The following LNX1 variants were observed in gnomAD, a reference collection of about 807,000 sequenced individuals.
LNX1 encodes ligand of numb-protein X 1.
A neutral mutation model predicts 68.4 loss-of-function variants in LNX1; 54 were observed. The observed-to-expected ratio is 0.79, with a 90% CI of 0.63 to 0.99. The LOEUF is 0.99. Among genes scored for constraint, LNX1 ranks in the 50% least tolerant of loss-of-function variants. The pLI is 0.00. For synonymous variants in LNX1, 336 were observed against 350.0 expected, an observed-to-expected ratio of 0.96 and a Z score of 0.45; for missense variants, 906 against 926.4, an observed-to-expected ratio of 0.98 and a Z score of 0.29.
chr4:53,525,315 C>G (rs554987398), intron 2 of LNX1, among the ~76,000 whole-genome samples: 1 of 152,172 alleles, frequency 6.6e-6, no homozygotes, highest in African/African-American at 2.4e-5. Flanking sequence ...AACCTGGACT[C>G]TACTGAAAAT....
intron 1 of LNX1, among the ~76,000 whole-genome samples, chr4:53,639,300 A>G (rs1734590773): frequency 6.6e-6 from 1 of 152,182 alleles, no homozygotes; most frequent in South Asian, 2.1e-4. Flanking sequence ...ATGGACATAA[A>G]GATGGCAACA....
intron 2 of LNX1, among the ~76,000 whole-genome samples, chr4:53,510,128 T>G (rs1448201928): frequency 6.6e-6 from 1 of 152,232 alleles, no homozygotes; most frequent in Non-Finnish European, 1.5e-5. Context: ...TTACATTTTG[T>G]TATTGAGAAC....
At chr4:53,545,496 A>G (rs1729044248) in intron 2 of LNX1, among the ~76,000 whole-genome samples, 1 of 152,224 alleles carries the variant, frequency 6.6e-6, no homozygotes, top group African/African-American at 2.4e-5. Flanking sequence ...AAGTTTCCTC[A>G]GCCTCAATAA....
intron 9 of LNX1, among the ~76,000 whole-genome samples, chr4:53,464,802 G>A (rs1722542293): frequency 6.6e-6 from 1 of 152,140 alleles, no homozygotes; most frequent in Admixed American, 6.5e-5. Flanking sequence ...GCTCAGGCAA[G>A]TGATAATTTA....
At chr4:53,622,673 G>T (rs1198524358) in intron 1 of LNX1, among the ~76,000 whole-genome samples, 1 of 152,138 alleles carries the variant, frequency 6.6e-6, no homozygotes, top group African/African-American at 2.4e-5. Context: ...GATTGAAAAG[G>T]TTTAAAAGTG....
At chr4:53,463,919 T>A (rs534544304) in intron 9 of LNX1, among the ~76,000 whole-genome samples, 1 of 152,132 alleles carries the variant, frequency 6.6e-6, no homozygotes, top group Non-Finnish European at 1.5e-5. Flanking sequence ...CAAAAAACAC[T>A]AAGGCAGAGC....
intron 4 of LNX1, among the ~76,000 whole-genome samples, chr4:53,499,910 T>A (rs1341589183): frequency 6.6e-6 from 1 of 152,216 alleles, no homozygotes; most frequent in Non-Finnish European, 1.5e-5. Context: ...GTTTTCAAAC[T>A]GTATTTTTAA....
intron 8 of LNX1, 129 bp from the exon 9 acceptor site, chr4:53,477,110 C>T (rs534848218): frequency 5.7e-5 from 45 of 792,422 alleles, no homozygotes; most frequent in African/African-American, 4.6e-4. Flanking sequence ...TCTTTGTTGA[C>T]GGGAGGCTGG....
At chr4:53,575,764 C>T in intron 1 of LNX1, 1 of 1,559,736 alleles carries the variant, frequency 6.4e-7, no homozygotes, top group Non-Finnish European at 8.6e-7. Context: ...TGGTGGTAGT[C>T]ACAGTGGCCG....
intron 2 of LNX1, among the ~76,000 whole-genome samples, chr4:53,609,015 C>A (rs1253643296): frequency 6.6e-6 from 1 of 152,112 alleles, no homozygotes; most frequent in Non-Finnish European, 1.5e-5. Flanking sequence ...AACCATACTA[C>A]AAGGCTACAA....
At chr4:53,596,830 C>T (rs1225080701) in intron 2 of LNX1, among the ~76,000 whole-genome samples, 1 of 152,164 alleles carries the variant, frequency 6.6e-6, no homozygotes, top group East Asian at 1.9e-4. Context: ...TATTGAGTCA[C>T]CCATTCTCAG....
intron 1 of LNX1, among the ~76,000 whole-genome samples, chr4:53,649,365 G>A (rs1735009492): frequency 6.6e-6 from 1 of 152,170 alleles, no homozygotes; most frequent in Non-Finnish European, 1.5e-5. Flanking sequence ...ACAATCTCTA[G>A]TTTTACAGTG....
intron 2 of LNX1, chr4:53,557,897 G>T (rs752397115): frequency 6.2e-7 from 1 of 1,613,406 alleles, no homozygotes; most frequent in South Asian, 1.1e-5. Flanking sequence ...GGAAGTGCAG[G>T]TTGCCCACAT....
intron 1 of LNX1, 43 bp downstream of exon 1, chr4:53,591,345 T>A: frequency 2.1e-6 from 2 of 969,944 alleles, no homozygotes; most frequent in Non-Finnish European, 2.5e-6. Context: ...CAGGGGCCAG[T>A]GGTCTAAATG....
At chr4:53,510,900 C>A (rs56708336) in intron 2 of LNX1, among the ~76,000 whole-genome samples, 18 of 152,212 alleles carry the variant, frequency 1.2e-4, no homozygotes, top group African/African-American at 4.3e-4. Flanking sequence ...GAAACTGGCA[C>A]CTTTCTCTGC....
chr4:53,466,391 C>T (rs935643326), intron 9 of LNX1, among the ~76,000 whole-genome samples: 1 of 152,142 alleles, frequency 6.6e-6, no homozygotes, highest in African/African-American at 2.4e-5. Context: ...AGGAACAGCT[C>T]CAGTCTACAG....
intron 9 of LNX1, among the ~76,000 whole-genome samples, chr4:53,467,742 C>T (rs888105899): frequency 1.1e-4 from 17 of 151,884 alleles, no homozygotes; most frequent in African/African-American, 2.7e-4. Context: ...AGGGTATCAG[C>T]GATGGAAGAC....
At chr4:53,639,920 C>A (rs10027544) in intron 1 of LNX1, among the ~76,000 whole-genome samples, 50,488 of 151,972 alleles carry the variant, frequency 0.33, 8,882 homozygotes, top group East Asian at 0.58. Flanking sequence ...ATAATCCCAG[C>A]TACTTGGGAG....
chr4:53,487,075 A>G (rs1174581328), intron 6 of LNX1, among the ~76,000 whole-genome samples: 1 of 152,104 alleles, frequency 6.6e-6, no homozygotes, highest in Non-Finnish European at 1.5e-5. Flanking sequence ...AAAATCCACT[A>G]TGGCTGATGA....
Sources: gnomAD v4.1 joint callset for allele counts (sites outside exome capture counted in the v4.1 genomes callset) on GRCh38, gnomAD v4.1.1 for gene constraint, MANE v1.5 for transcripts, NCBI Gene and HGNC (gene_info 2026-07-23, HGNC 2026-07-21) for gene names.